CD40: variants seen among roughly 807,000 people sequenced by gnomAD.
The protein encoded by CD40 is tumor necrosis factor receptor superfamily member 5.
A neutral mutation model predicts 38.5 loss-of-function variants in CD40; 19 were observed. That is an observed-to-expected ratio of 0.49 (90% CI 0.34 to 0.72). CD40 has a LOEUF of 0.72. Ranked by LOEUF, CD40 falls within the 30% of genes least tolerant of loss-of-function variation. The pLI, the probability that CD40 is intolerant of heterozygous loss-of-function variation, is 0.01. For synonymous variants in CD40, 130 were observed against 128.7 expected, an observed-to-expected ratio of 1.01 and a Z score of -0.07; for missense variants, 256 against 344.1, an observed-to-expected ratio of 0.74 and a Z score of 2.03.
intron 5 of CD40, among the ~76,000 whole-genome samples, chr20:46,124,310 C>A (rs1281873671): frequency 6.6e-6 from 1 of 152,170 alleles, no homozygotes; most frequent in Non-Finnish European, 1.5e-5. Flanking sequence ...AAAAAACAAA[C>A]ACCTGCCCCA....
chr20:46,123,796 G>A (rs936062134), intron 5 of CD40, among the ~76,000 whole-genome samples: 12 of 152,158 alleles, frequency 7.9e-5, no homozygotes, highest in Admixed American at 3.3e-4. Context: ...CAACATGAGC[G>A]TTCGACAGTT....
intron 1 of CD40, among the ~76,000 whole-genome samples, chr20:46,118,966 G>C (rs1157051213): frequency 2.6e-5 from 4 of 151,716 alleles, no homozygotes; most frequent in African/African-American, 9.7e-5. Flanking sequence ...GGAATCCCCA[G>C]GGCTTTGCCT....
rs147677886 is a variant in CD40 at position 46,121,841 on chromosome 20, G to T, written c.73G>T (p.Ala25Ser). Residue 25 changes from alanine to serine, a missense_variant, in exon 2 of 9, where the codon GCA (alanine) becomes TCA (serine). By Grantham distance (99) the Ala-to-Ser change is moderately conservative. Transcript: ENST00000372285. ...TTAGGTCCATCCAGAACCACCCACT[G>T]CATGCAGAGAAAAACAGTACCTAAT... ...LTAVHPEPPT[A>S]CREKQYLINS... is the part of the protein sequence containing the mutation. 4.5e-5 allele frequency: 73 copies of T among 1,614,050 alleles called. No homozygotes were observed. In the African/African-American group the frequency reaches 9.2e-4, roughly 20 times the overall value.
At chr20:46,126,493 G>A (rs1455941593) in intron 5 of CD40, 147 bp from the exon 6 acceptor site, 7 of 825,410 alleles carry the variant, frequency 8.5e-6, no homozygotes, top group Non-Finnish European at 1.2e-5. Flanking sequence ...AACCAGCATA[G>A]GACGTTGCAC....
Position 46,128,312 on chromosome 20 carries a change from T to A in CD40, c.647-18T>A. 1.3e-6 allele frequency: 2 copies of A among 1,592,274 alleles called. No individual in the cohort carries two copies. The highest frequency in any genetic ancestry group is 8.5e-7 in the Non-Finnish European group (1 of 1,169,762). ...CTCTCCAACTCCCCATCCTTTTTTTTTTTTTTTTTTTTTTTAGAAAAGGTG... is the reference window on the plus strand; with the variant it reads ...CTCTCCAACTCCCCATCCTTTTTTTATTTTTTTTTTTTTTTAGAAAAGGTG... On this transcript the variant is annotated intron_variant, in intron 7 of 8. Coordinates refer to ENST00000372285, the MANE Select transcript of CD40 (RefSeq NM_001250.6).
chr20:46,125,689 G>A (rs914314909), intron 5 of CD40, among the ~76,000 whole-genome samples: 19 of 151,972 alleles, frequency 1.3e-4, no homozygotes, highest in African/African-American at 4.6e-4. Context: ...CCTGGACCAG[G>A]TCTTCATCAT....
At chr20:46,128,826 C>T (rs766953483) in intron 8 of CD40, 56 bp from the exon 9 acceptor site, 2 of 1,593,312 alleles carry the variant, frequency 1.3e-6, no homozygotes, top group Admixed American at 1.7e-5. Context: ...GGAGGGGCTC[C>T]TCAGAGGCAC....
Position 46,129,559 on chromosome 20 carries a change from C to T in CD40, c.*519C>T, listed in dbSNP as rs578190784. On this transcript the variant is annotated 3_prime_UTR_variant, in exon 9 of 9. Transcript: ENST00000372285. The stretch of plus-strand genomic sequence containing the variant: ...TGTTGAGTAAGGAAAAAAAGGCATG[C>T]TGCTGAATGATGGGTATGGAACTTT... 1 of 180,898 alleles carries T rather than the reference C, an allele frequency of 5.5e-6. No homozygotes were observed. Among genetic ancestry groups the T allele is most frequent in the South Asian group, 1.2e-4 (1 of 8,298 alleles). The allele number at this position is 180,898 out of a possible 1,614,324, so 11.2% of individuals were successfully genotyped here. A position where few individuals can be genotyped will look rare whatever the true frequency, so the allele number is the denominator to read the frequency against.
Position 46,129,111 on chromosome 20 carries a change from T to A in CD40, c.*71T>A. ...TGGCCAGAGAGCCTGGTGCTGCTGC[T>A]GCTGTGGCGTGAGGGTGAGGGGCTG... is the stretch of plus-strand genomic sequence containing the variant. On this transcript the variant is annotated 3_prime_UTR_variant, in exon 9 of 9. Transcript: ENST00000372285. The A allele has an allele frequency of 6.4e-7, 1 of 1,553,806 alleles. No individual in the cohort carries two copies. Among genetic ancestry groups the A allele is most frequent in the Non-Finnish European group, 8.9e-7 (1 of 1,129,046 alleles).
At chr20:46,124,864 T>C (rs2145601680) in intron 5 of CD40, among the ~76,000 whole-genome samples, 1 of 146,210 alleles carries the variant, frequency 6.8e-6, no homozygotes, top group African/African-American at 2.5e-5. Context: ...CCTCCCAGGT[T>C]CACGCCATTC....
At chr20:46,125,669 C>G (rs2085421347) in intron 5 of CD40, among the ~76,000 whole-genome samples, 1 of 152,024 alleles carries the variant, frequency 6.6e-6, no homozygotes, top group Non-Finnish European at 1.5e-5. Flanking sequence ...CCCCACTCCT[C>G]CTGGGGCCAC....
At position 46,122,750 on chromosome 20, in the gene CD40, C is replaced by T. The variant is rs1460849632; in HGVS notation, c.397C>T (p.Gln133Ter). The change falls in exon 4 of 9, where the codon CAG becomes TAG. Residue 133 changes from glutamine to a stop codon, truncating the protein, a stop_gained. Coordinates refer to ENST00000372285, the MANE Select transcript of CD40 (RefSeq NM_001250.6). LOFTEE classifies it high-confidence loss of function. The surrounding 1 kb of genome is among the most constrained non-coding windows in gnomAD (Gnocchi z 5.0). ...RSCSPGFGVK[Q>*]IATGVSDTIC... is the part of the protein sequence containing the mutation. The stretch of plus-strand genomic sequence containing the variant: ...ATGCTCGCCCGGCTTTGGGGTCAAG[C>T]AGATTGGTAAGTGGCTCATCTGGGA... 3 of 1,614,052 alleles carry T rather than the reference C, an allele frequency of 1.9e-6. No homozygotes were observed. The highest frequency in any genetic ancestry group is 2.5e-6 in the Non-Finnish European group (3 of 1,180,012).
intron 1 of CD40, among the ~76,000 whole-genome samples, chr20:46,119,376 G>A (rs2085273874): frequency 6.6e-6 from 1 of 152,146 alleles, no homozygotes; most frequent in Non-Finnish European, 1.5e-5. Flanking sequence ...GGGAAGAGAG[G>A]GAGTGGGGAG....
intron 1 of CD40, among the ~76,000 whole-genome samples, chr20:46,120,164 C>T (rs531240453): frequency 1.1e-4 from 17 of 152,090 alleles, no homozygotes; most frequent in Non-Finnish European, 2.2e-4. Flanking sequence ...GCCAGGTAGC[C>T]GGGCTGCTTG....
chr20:46,126,997 C>A, intron 6 of CD40: 1 of 475,726 alleles, frequency 2.1e-6, no homozygotes, highest in Non-Finnish European at 3.9e-6. Context: ...TGAAAAAGGT[C>A]AGGGGTAAGA....
At chr20:46,128,710 G>A (rs760193926) in intron 8 of CD40, 172 bp from the exon 9 acceptor site, 130 of 704,400 alleles carry the variant, frequency 1.8e-4, no homozygotes, top group South Asian at 1.3e-3. Context: ...GAAGCTCTTC[G>A]TCGCCCTTGG....
rs2085507626 is a variant in CD40, at chr20:46,129,263, C to T, written c.*223C>T. Reference sequence around the variant, plus strand: ...CACTTCACCCTGGAGCCCATCCAGTCTCCCAACTTGTATTAAAGACAGAGG... The same window carrying T: ...CACTTCACCCTGGAGCCCATCCAGTTTCCCAACTTGTATTAAAGACAGAGG... On this transcript the variant is annotated 3_prime_UTR_variant, in exon 9 of 9. Coordinates refer to ENST00000372285, the MANE Select transcript of CD40 (RefSeq NM_001250.6). 3.4e-6 allele frequency: 2 copies of T among 581,552 alleles called. No homozygotes were observed. Among genetic ancestry groups the T allele is most frequent in the Non-Finnish European group, 6.2e-6 (2 of 320,848 alleles). 36.0% of individuals were successfully genotyped at this position (581,552 alleles called of 1,614,324 possible).
At position 46,122,716 on chromosome 20, in the gene CD40, G is replaced by A; in HGVS notation, c.363G>A (p.Leu121=). 1 of 1,614,200 alleles carries A rather than the reference G, an allele frequency of 6.2e-7. No individual in the cohort carries two copies. The highest frequency in any genetic ancestry group is 8.5e-7 in the Non-Finnish European group (1 of 1,180,038). ...GTGAGGCCTGTGAGAGCTGTGTCCTGCACCGCTCATGCTCGCCCGGCTTTG... is the reference window on the plus strand; with the variant it reads ...GTGAGGCCTGTGAGAGCTGTGTCCTACACCGCTCATGCTCGCCCGGCTTTG... ...CTSEACESCV[L]HRSCSPGFGV... The change falls in exon 4 of 9, where the codon CTG becomes CTA. Residue 121 remains leucine, a synonymous_variant. Transcript: ENST00000372285. The surrounding 1 kb of genome is among the most constrained non-coding windows in gnomAD (Gnocchi z 5.0).
chr20:46,119,160 G>A (rs1437554864), intron 1 of CD40, among the ~76,000 whole-genome samples: 1 of 152,160 alleles, frequency 6.6e-6, no homozygotes, highest in Non-Finnish European at 1.5e-5. Flanking sequence ...GCATATCTCC[G>A]GGATTTTCAG....
Sources: gnomAD v4.1 joint callset for allele counts (sites outside exome capture counted in the v4.1 genomes callset) on GRCh38, gnomAD v4.1.1 for gene constraint, Gnocchi (gnomAD v3.1) non-coding constraint, MANE v1.5 for transcripts, NCBI Gene and HGNC (gene_info 2026-07-23, HGNC 2026-07-21) for gene names.